The following ELMO1 variants were observed in gnomAD, a reference collection of about 807,000 sequenced individuals.
The protein encoded by ELMO1 is engulfment and cell motility protein 1.
Under a neutral mutation model 98.9 loss-of-function variants are expected in ELMO1, and 26 were observed. The ratio of observed to expected loss-of-function variants is 0.26; its 90% CI spans 0.19 to 0.36. The LOEUF is 0.36. Ranked by LOEUF, ELMO1 falls within the 10% of genes least tolerant of loss-of-function variation. The probability of loss-of-function intolerance (pLI) is 1.00; values close to 1 mark genes in which losing one functional copy is unlikely to be tolerated. For synonymous variants in ELMO1, 346 were observed against 346.0 expected, an observed-to-expected ratio of 1.00 and a Z score of 0.00; for missense variants, 627 against 935.2, an observed-to-expected ratio of 0.67 and a Z score of 4.30.
intron 1 of ELMO1, chr7:37,375,753 G>A (rs1007106998): frequency 1.8e-5 from 21 of 1,137,944 alleles, no homozygotes; most frequent in African/African-American, 1.2e-4. Flanking sequence ...AGGGTATCCA[G>A]TATCTCAGTG....
At chr7:37,443,794 C>G (rs886131906) in intron 1 of ELMO1, among the ~76,000 whole-genome samples, 1 of 152,192 alleles carries the variant, frequency 6.6e-6, no homozygotes, top group African/African-American at 2.4e-5. Context: ...CCTAAAAATG[C>G]TGTGCTGGCA....
chr7:37,420,501 T>A (rs1804426746), intron 1 of ELMO1, among the ~76,000 whole-genome samples: 1 of 152,200 alleles, frequency 6.6e-6, no homozygotes, highest in African/African-American at 2.4e-5. Flanking sequence ...AGGAAGAACA[T>A]TTGAGGCTGT....
chr7:37,072,896 C>G (rs1797357474), intron 15 of ELMO1, among the ~76,000 whole-genome samples: 2 of 152,176 alleles, frequency 1.3e-5, no homozygotes, highest in African/African-American at 4.8e-5. Context: ...GAGACAATAC[C>G]TTGAACTCTC....
At chr7:37,079,997 A>C (rs1255953044) in intron 15 of ELMO1, among the ~76,000 whole-genome samples, 1 of 152,198 alleles carries the variant, frequency 6.6e-6, no homozygotes, top group African/African-American at 2.4e-5. Context: ...TCTAAACAGC[A>C]TCTCAAAATT....
chr7:37,433,301 A>C (rs1583755795), intron 1 of ELMO1, among the ~76,000 whole-genome samples: 1 of 152,210 alleles, frequency 6.6e-6, no homozygotes, highest in African/African-American at 2.4e-5. Context: ...GCCTGGGAAC[A>C]CCTGCCGTGA....
At chr7:37,079,122 T>C (rs1283547546) in intron 15 of ELMO1, among the ~76,000 whole-genome samples, 2 of 152,208 alleles carry the variant, frequency 1.3e-5, no homozygotes, top group African/African-American at 4.8e-5. Context: ...GACAGAGATA[T>C]AGGTCTCCGT....
intron 3 of ELMO1, 136 bp downstream of exon 3, chr7:37,315,784 C>A (rs537550229): frequency 2.5e-6 from 2 of 786,358 alleles, no homozygotes; most frequent in East Asian, 5.2e-5. Flanking sequence ...GATATTCCTA[C>A]ACAGTAATTC....
intron 13 of ELMO1, among the ~76,000 whole-genome samples, chr7:37,204,735 A>G (rs547669879): frequency 9.9e-5 from 15 of 152,004 alleles, no homozygotes; most frequent in Non-Finnish European, 2.1e-4. Flanking sequence ...TGACTGGTGC[A>G]TTTACAAACC....
intron 15 of ELMO1, among the ~76,000 whole-genome samples, chr7:37,062,697 T>C (rs1488589190): frequency 3.9e-5 from 6 of 152,332 alleles, no homozygotes; most frequent in African/African-American, 9.6e-5. Flanking sequence ...ACCGTTCCCA[T>C]AGCAACTGCA....
chr7:37,101,086 A>G (rs1784614770), intron 14 of ELMO1, among the ~76,000 whole-genome samples: 1 of 152,238 alleles, frequency 6.6e-6, no homozygotes, highest in Non-Finnish European at 1.5e-5. Context: ...CACTTTTACC[A>G]GCAGCTAAAC....
rs1003528848 is a variant in ELMO1, at chr7:36,854,747, G to A, written c.*804C>T. 2.0e-5 allele frequency: 3 copies of A among 152,936 alleles called. No individual in the cohort carries two copies. Among genetic ancestry groups the A allele is most frequent in the African/African-American group, 2.4e-5 (1 of 41,432 alleles). The allele number at this position is 152,936 out of a possible 1,614,324, so 9.5% of individuals were successfully genotyped here. On this transcript the variant is annotated 3_prime_UTR_variant, in exon 22 of 22. Coordinates refer to ENST00000310758, the MANE Select transcript of ELMO1 (RefSeq NM_014800.11). ...AGGTTTAGTCTATTAGAGATGGAGCGAGACTACTGATTTCACCATTTGTGC... is the reference window on the plus strand; with the variant it reads ...AGGTTTAGTCTATTAGAGATGGAGCAAGACTACTGATTTCACCATTTGTGC...
At chr7:36,919,549 T>A (rs1325902482) in intron 16 of ELMO1, 1 of 365,580 alleles carries the variant, frequency 2.7e-6, no homozygotes, top group Non-Finnish European at 6.0e-6. Flanking sequence ...GCATCAACCT[T>A]GCTGGGTTGC....
At chr7:37,162,983 A>T (rs542407920) in intron 13 of ELMO1, among the ~76,000 whole-genome samples, 123 of 152,300 alleles carry the variant, frequency 8.1e-4, no homozygotes, top group Non-Finnish European at 1.3e-3. Flanking sequence ...TATTTATTTT[A>T]AAAATGTTCC....
At chr7:37,444,760 C>T (rs182913853) in intron 1 of ELMO1, among the ~76,000 whole-genome samples, 2 of 152,184 alleles carry the variant, frequency 1.3e-5, no homozygotes, top group East Asian at 1.9e-4. Context: ...GCAATCCACC[C>T]GCCTCGGACT....
At chr7:37,168,717 C>T (rs974508586) in intron 13 of ELMO1, among the ~76,000 whole-genome samples, 1 of 152,154 alleles carries the variant, frequency 6.6e-6, no homozygotes, top group African/African-American at 2.4e-5. Context: ...CAGAGGAGTA[C>T]CCTGCCGTGT....
chr7:37,394,480 C>T (rs1280826904), intron 1 of ELMO1, among the ~76,000 whole-genome samples: 3 of 152,082 alleles, frequency 2.0e-5, no homozygotes, highest in African/African-American at 4.8e-5. Flanking sequence ...AAGCCAAGTG[C>T]CAAGATCATG....
chr7:37,003,224 C>T (rs1562889356), intron 16 of ELMO1, among the ~76,000 whole-genome samples: 1 of 152,084 alleles, frequency 6.6e-6, no homozygotes, highest in African/African-American at 2.4e-5. Context: ...GTAATAATTG[C>T]CAAAAAGGGG....
intron 13 of ELMO1, chr7:37,204,053 A>T (rs1194934424): frequency 2.2e-6 from 1 of 454,702 alleles, no homozygotes; most frequent in East Asian, 7.0e-5. Context: ...TTAGCCCCCG[A>T]ATTCTAAGGA....
intron 14 of ELMO1, among the ~76,000 whole-genome samples, chr7:37,114,514 C>A (rs529767855): frequency 1.3e-5 from 2 of 152,162 alleles, no homozygotes; most frequent in African/African-American, 2.4e-5. Flanking sequence ...GTTGCCTTAT[C>A]AAGGCAACCC....
Sources: gnomAD v4.1 joint callset for allele counts (sites outside exome capture counted in the v4.1 genomes callset) on GRCh38, gnomAD v4.1.1 for gene constraint, MANE v1.5 for transcripts, NCBI Gene and HGNC (gene_info 2026-07-23, HGNC 2026-07-21) for gene names.